The following ROBO2 variants were observed in gnomAD, a reference collection of about 807,000 sequenced individuals.
ROBO2 encodes roundabout homolog 2.
In ROBO2, 53 loss-of-function variants were observed where a neutral mutation model predicts 160.8. The ratio of observed to expected loss-of-function variants is 0.33; its 90% CI spans 0.26 to 0.41. The LOEUF (loss-of-function observed/expected upper bound fraction) is 0.41. Among genes scored for constraint, ROBO2 ranks in the 10% least tolerant of loss-of-function variants. The pLI is 1.00. For missense variants in ROBO2, 1,577 were observed against 1,722.4 expected, an observed-to-expected ratio of 0.92 and a Z score of 1.49; for synonymous variants, 664 against 611.7, an observed-to-expected ratio of 1.09 and a Z score of -1.26.
chr3:76,244,344 T>C (rs1705486577), intron 2 of ROBO2, among the ~76,000 whole-genome samples: 1 of 152,222 alleles, frequency 6.6e-6, no homozygotes, highest in South Asian at 2.1e-4. Context: ...TTCTGGGTCC[T>C]GTGATTGACA....
intron 2 of ROBO2, among the ~76,000 whole-genome samples, chr3:76,406,151 A>G (rs2078113388): frequency 6.6e-6 from 1 of 151,804 alleles, no homozygotes; most frequent in African/African-American, 2.4e-5. Flanking sequence ...AACACTTAGA[A>G]TATTTCAGAA....
intron 2 of ROBO2, among the ~76,000 whole-genome samples, chr3:77,004,419 G>A (rs1266252412): frequency 8.5e-5 from 13 of 152,150 alleles, no homozygotes; most frequent in Admixed American, 8.5e-4. Context: ...TTCAGGATTG[G>A]AAGTAGAAGG....
At chr3:76,260,085 C>T (rs1706649762) in intron 2 of ROBO2, among the ~76,000 whole-genome samples, 1 of 152,104 alleles carries the variant, frequency 6.6e-6, no homozygotes, top group East Asian at 1.9e-4. Flanking sequence ...ACACATTTGT[C>T]AGTTTTTATG....
chr3:77,499,931 G>A (rs1582491262), intron 5 of ROBO2, among the ~76,000 whole-genome samples: 1 of 152,110 alleles, frequency 6.6e-6, no homozygotes, highest in African/African-American at 2.4e-5. Flanking sequence ...ACAGGTGTGA[G>A]CCACCGTGTC....
At chr3:76,204,536 C>G (rs1461479241) in intron 2 of ROBO2, among the ~76,000 whole-genome samples, 1 of 152,176 alleles carries the variant, frequency 6.6e-6, no homozygotes, top group Non-Finnish European at 1.5e-5. Context: ...TCCTTCTAAT[C>G]AACTATTAAT....
At chr3:77,640,068 AC>A (rs2095324377) in intron 24 of ROBO2, among the ~76,000 whole-genome samples, 1 of 149,244 alleles carries the variant, frequency 6.7e-6, no homozygotes, top group African/African-American at 2.5e-5. Context: ...ACTGTGACCA[AC>A]TGAGAGAAGA....
chr3:77,261,801 G>A (rs1482787430), intron 2 of ROBO2, among the ~76,000 whole-genome samples: 1 of 138,464 alleles, frequency 7.2e-6, no homozygotes, highest in Non-Finnish European at 1.5e-5. Flanking sequence ...ACAGGGTCTT[G>A]CTGTCACTCA....
chr3:77,448,882 G>GA (rs1423398489), intron 2 of ROBO2, among the ~76,000 whole-genome samples: 5 of 151,120 alleles, frequency 3.3e-5, no homozygotes, highest in African/African-American at 1.2e-4. Context: ...AACTCTATGT[G>GA]AAAAAAAATC....
chr3:77,209,855 C>T (rs1042763525), intron 2 of ROBO2, among the ~76,000 whole-genome samples: 1 of 152,068 alleles, frequency 6.6e-6, no homozygotes, highest in African/African-American at 2.4e-5. Flanking sequence ...GAAATACTTA[C>T]TTATTGTGTC....
intron 2 of ROBO2, among the ~76,000 whole-genome samples, chr3:75,986,879 A>G (rs2065429771): frequency 6.6e-6 from 1 of 151,556 alleles, no homozygotes; most frequent in Non-Finnish European, 1.5e-5. Context: ...TCATTTCACC[A>G]TACATGTGAA....
intron 2 of ROBO2, among the ~76,000 whole-genome samples, chr3:76,219,237 G>A (rs1016839136): frequency 1.3e-5 from 2 of 152,122 alleles, no homozygotes; most frequent in African/African-American, 4.8e-5. Flanking sequence ...AGAAAAACTA[G>A]GCAATACCAT....
At chr3:76,450,628 A>G (rs1423722238) in intron 2 of ROBO2, among the ~76,000 whole-genome samples, 2 of 152,120 alleles carry the variant, frequency 1.3e-5, no homozygotes, top group Admixed American at 1.3e-4. Flanking sequence ...TGAAAATTCT[A>G]AACAATTGGC....
intron 2 of ROBO2, among the ~76,000 whole-genome samples, chr3:76,596,949 G>A (rs2086773445): frequency 6.6e-6 from 1 of 152,112 alleles, no homozygotes; most frequent in African/African-American, 2.4e-5. Flanking sequence ...ACTTGGTAGT[G>A]ATGTTATCTA....
At chr3:77,055,795 T>C (rs537373068) in intron 1 of ROBO2, among the ~76,000 whole-genome samples, 1 of 152,194 alleles carries the variant, frequency 6.6e-6, no homozygotes, top group Admixed American at 6.5e-5. Context: ...TACGAGATGA[T>C]TTCTTACTTT....
chr3:77,133,340 G>A (rs188561268), intron 2 of ROBO2, among the ~76,000 whole-genome samples: 4 of 152,236 alleles, frequency 2.6e-5, no homozygotes, highest in Admixed American at 2.0e-4. Flanking sequence ...AAAAGACTCT[G>A]GAACCCACAT....
chr3:77,393,188 T>A (rs1295545520), intron 2 of ROBO2, among the ~76,000 whole-genome samples: 1 of 152,202 alleles, frequency 6.6e-6, no homozygotes, highest in Non-Finnish European at 1.5e-5. Context: ...AATTAACATA[T>A]TTTTATTCTG....
intron 2 of ROBO2, among the ~76,000 whole-genome samples, chr3:76,774,859 C>G (rs1249546126): frequency 2.1e-5 from 3 of 146,140 alleles, no homozygotes; most frequent in Admixed American, 6.9e-5. Flanking sequence ...ATTGTTTCAT[C>G]TATTATGGGT....
intron 2 of ROBO2, among the ~76,000 whole-genome samples, chr3:76,667,267 C>A (rs2092086562): frequency 6.6e-6 from 1 of 152,136 alleles, no homozygotes; most frequent in Non-Finnish European, 1.5e-5. Flanking sequence ...GAACTGATAA[C>A]AACTTGCCAA....
intron 2 of ROBO2, among the ~76,000 whole-genome samples, chr3:76,299,736 C>T (rs1456619464): frequency 6.6e-6 from 1 of 152,002 alleles, no homozygotes; most frequent in Non-Finnish European, 1.5e-5. Flanking sequence ...AGGGTGAGAA[C>T]AGTGAAGGAG....
Sources: allele counts gnomAD v4.1 joint callset (sites outside exome capture counted in the v4.1 genomes callset), GRCh38; gene constraint gnomAD v4.1.1; transcripts MANE v1.5; gene names NCBI Gene and HGNC (gene_info 2026-07-23, HGNC 2026-07-21).